The following RNF128 variants were observed in gnomAD, a reference collection of about 807,000 sequenced individuals.
RNF128 encodes ring finger protein 128.
In RNF128, 13 loss-of-function variants were observed where a neutral mutation model predicts 26.2. That is an observed-to-expected ratio of 0.50 (90% CI 0.32 to 0.79). The LOEUF is 0.79. Among genes scored for constraint, RNF128 ranks in the 30% least tolerant of loss-of-function variants. The pLI is 0.03. For missense variants in RNF128, 315 were observed against 349.7 expected (o/e 0.90, Z 0.79); for synonymous variants, 149 against 142.5 (o/e 1.05, Z -0.32).
chrX:106,795,694 T>A lies in RNF128; in HGVS notation c.1268T>A (p.Val423Asp), dbSNP rs772069845. 33 of 1,194,195 alleles carry A rather than the reference T, an allele frequency of 2.8e-5. No individual in the cohort carries two copies. The African/African-American group carries it at 5.7e-4, about 20-fold the overall frequency. ...GAAACTCCTAATCAAGAGACTGCTG[T>A]TCGAGAAATTAAATCTTAAAATCTG... ...EDETPNQETA[V>D]REIKS Residue 423 changes from valine to aspartate, a missense_variant, in exon 7 of 7, where the codon GTT (valine) becomes GAT (aspartate). Transcript: ENST00000255499.
At chrX:106,771,781 T>G (rs1930376295) in intron 1 of RNF128, among the ~76,000 whole-genome samples, 1 of 112,578 alleles carries the variant, frequency 8.9e-6, no homozygotes. Context: ...ACCCAGTACC[T>G]CAGTTGGAAA....
intron 1 of RNF128, among the ~76,000 whole-genome samples, chrX:106,753,087 A>G: frequency 9.0e-6 from 1 of 111,347 alleles, no homozygotes. Flanking sequence ...AAAAGTACAG[A>G]TCTAAGAGTT....
chrX:106,754,215 TTTTTTTC>T (rs1929952783), intron 1 of RNF128, among the ~76,000 whole-genome samples: 1 of 110,245 alleles, frequency 9.1e-6, no homozygotes, highest in Non-Finnish European at 1.9e-5. Flanking sequence ...AAACAAATAA[TTTTTTTC>T]TTTTTTCTTT....
chrX:106,738,988 T>C (rs1343893210), intron 1 of RNF128, among the ~76,000 whole-genome samples: 1 of 111,800 alleles, frequency 8.9e-6, no homozygotes, highest in Non-Finnish European at 1.9e-5. Flanking sequence ...CTTTGTTCAA[T>C]GCATTATTTT....
chrX:106,765,354 T>C (rs1325961963), intron 1 of RNF128, among the ~76,000 whole-genome samples: 1 of 112,287 alleles, frequency 8.9e-6, no homozygotes, highest in Non-Finnish European at 1.9e-5. Context: ...GGACCATAAA[T>C]TTAAGGGATT....
At chrX:106,729,755 G>T (rs948491980) in intron 1 of RNF128, among the ~76,000 whole-genome samples, 2 of 111,624 alleles carry the variant, frequency 1.8e-5, no homozygotes, top group Non-Finnish European at 3.8e-5. Flanking sequence ...TGAACTCCTG[G>T]AAAAACTATT....
intron 1 of RNF128, among the ~76,000 whole-genome samples, chrX:106,733,355 A>G (rs1929533502): frequency 9.0e-6 from 1 of 111,500 alleles, no homozygotes; most frequent in Non-Finnish European, 1.9e-5. Flanking sequence ...TGTGTTTTCA[A>G]TACAGAATGC....
chrX:106,720,555 G>C (rs1188667531), intron 1 of RNF128, among the ~76,000 whole-genome samples: 1 of 110,367 alleles, frequency 9.1e-6, no homozygotes, highest in East Asian at 2.9e-4. Flanking sequence ...TGCTCAGCAG[G>C]ATTCTGGTGA....
intron 1 of RNF128, among the ~76,000 whole-genome samples, chrX:106,752,907 G>A (rs1431110259): frequency 1.8e-5 from 2 of 111,326 alleles, no homozygotes; most frequent in East Asian, 5.7e-4. Flanking sequence ...GCTGAAAAAT[G>A]CAATTGATAT....
chrX:106,787,810 C>A, intron 3 of RNF128, 108 bp from the exon 4 acceptor site: 1 of 481,516 alleles, frequency 2.1e-6, no homozygotes, highest in Non-Finnish European at 3.5e-6. Context: ...AATGCTCCTC[C>A]TTTTATAGGA....
In RNF128 at chrX:106,727,144, G is replaced by A. The variant is rs1190837799; in HGVS notation, c.231G>A (p.Leu77=). 1 of 1,208,273 alleles carries A rather than the reference G, an allele frequency of 8.3e-7. No individual in the cohort carries two copies. Among genetic ancestry groups the A allele is most frequent in the Non-Finnish European group, 1.1e-6 (1 of 894,414 alleles). Residue 77 remains leucine, a synonymous_variant, in exon 1 of 7, where the codon CTG becomes CTA. Transcript: ENST00000255499. ...EEGVYGQDSP[L]EPVAGVLVPP... The stretch of plus-strand genomic sequence containing the variant: ...GCGTGTACGGCCAGGACTCGCCGCT[G>A]GAGCCTGTGGCTGGGGTCCTGGTAC...
intron 2 of RNF128, among the ~76,000 whole-genome samples, chrX:106,779,189 A>G (rs187507253): frequency 8.9e-6 from 1 of 111,818 alleles, no homozygotes; most frequent in Non-Finnish European, 1.9e-5. Flanking sequence ...CACTTACTCT[A>G]ATTTTAAATT....
At chrX:106,786,141 T>C (rs1287711822) in intron 3 of RNF128, among the ~76,000 whole-genome samples, 1 of 112,015 alleles carries the variant, frequency 8.9e-6, no homozygotes, top group African/African-American at 3.2e-5. Flanking sequence ...AGAACAACTT[T>C]GGATGATTCA....
At chrX:106,789,092 AG>A (rs1306716214) in intron 4 of RNF128, among the ~76,000 whole-genome samples, 4 of 85,915 alleles carry the variant, frequency 4.7e-5, no homozygotes, top group African/African-American at 1.7e-4. Flanking sequence ...TATAGTATAT[AG>A]TATATATATA....
intron 1 of RNF128, 26 bp from the exon 2 acceptor site, chrX:106,772,887 A>G: frequency 8.4e-7 from 1 of 1,190,732 alleles, no homozygotes; most frequent in Non-Finnish European, 1.1e-6. Flanking sequence ...TCACCAAACT[A>G]AAACTGAATT....
At position 106,795,587 on chromosome X, in the gene RNF128, T is replaced by C; in HGVS notation, c.1161T>C (p.Ser387=). 8.4e-7 allele frequency: 1 copy of C among 1,194,498 alleles called. No homozygotes were observed. ...TGCTATTTCTTTTTAAAGATGAAAG[T>C]CTACAGCTGGTAAACCATGAAGCAA... ...LEEHVQSTNE[S]LQLVNHEANS... is the part of the protein sequence containing the mutation. The change falls in exon 7 of 7, where the codon AGT becomes AGC. Residue 387 remains serine (S), a synonymous_variant. Coordinates refer to ENST00000255499, the MANE Select transcript of RNF128 (RefSeq NM_194463.2).
chrX:106,776,179 A>G (rs1321098940), intron 2 of RNF128, among the ~76,000 whole-genome samples: 1 of 112,474 alleles, frequency 8.9e-6, no homozygotes, highest in Non-Finnish European at 1.9e-5. Context: ...AACTACATTC[A>G]GGAGTGACCA....
intron 1 of RNF128, among the ~76,000 whole-genome samples, chrX:106,719,025 C>T (rs1047413647): frequency 8.9e-6 from 1 of 112,141 alleles, no homozygotes; most frequent in Non-Finnish European, 1.9e-5. Flanking sequence ...GCAGCCTTTG[C>T]CCACACTCAT....
chrX:106,772,396 T>A (rs1490685935), intron 1 of RNF128, among the ~76,000 whole-genome samples: 2 of 112,015 alleles, frequency 1.8e-5, no homozygotes, highest in African/African-American at 6.5e-5. Context: ...ATGTAGTTTG[T>A]ACATTTGGGT....
Sources: allele counts gnomAD v4.1 joint callset (sites outside exome capture counted in the v4.1 genomes callset), GRCh38; gene constraint gnomAD v4.1.1; transcripts MANE v1.5; gene names NCBI Gene and HGNC (gene_info 2026-07-23, HGNC 2026-07-21).